Variants in PBX1 observed in about 807,000 individuals in gnomAD.
PBX1 encodes PBX homeobox 1.
In PBX1, 6 loss-of-function variants were observed where a neutral mutation model predicts 53.4. The ratio of observed to expected loss-of-function variants is 0.11; its 90% confidence interval spans 0.06 to 0.22. The LOEUF (loss-of-function observed/expected upper bound fraction) is 0.22, where lower values mean the gene tolerates loss of function less well. Among genes scored for constraint, PBX1 ranks in the 10% least tolerant of loss-of-function variants. PBX1 has a pLI of 1.00. For missense variants in PBX1, 251 were observed against 551.4 expected (o/e 0.46, Z 5.46); for synonymous variants, 204 against 212.3 (o/e 0.96, Z 0.34).
chr1:164,796,377 C>G lies in PBX1; in HGVS notation c.511-3322C>G, dbSNP rs1236316296. Among the ~76,000 whole-genome samples the G allele has an allele frequency of 2.0e-5, 3 of 147,584 alleles. No homozygotes were observed. In the East Asian group the frequency reaches 5.9e-4, roughly 29 times the overall value. On this transcript the variant is annotated intron_variant, in intron 3 of 8. Transcript: ENST00000420696. ...TGATGTCAGAAACCTGAATTTTATTCCAAGCTCTACTTTAAAAAAAAATTA... is the reference window on the plus strand; with the variant it reads ...TGATGTCAGAAACCTGAATTTTATTGCAAGCTCTACTTTAAAAAAAAATTA...
chr1:164,793,502 T>C (rs1558011395), intron 3 of PBX1, among the ~76,000 whole-genome samples: 2 of 152,212 alleles, frequency 1.3e-5, no homozygotes, highest in African/African-American at 2.4e-5. Flanking sequence ...ATAAAACTTA[T>C]ATAAAGGAAA....
chr1:164,633,617 C>A (rs1658555969), intron 2 of PBX1, among the ~76,000 whole-genome samples: 1 of 152,116 alleles, frequency 6.6e-6, no homozygotes, highest in South Asian at 2.1e-4. Flanking sequence ...TGAGCCTTTC[C>A]CTGCAGATTT....
At chr1:164,853,237 C>T (rs1363183483), downstream of PBX1, among the ~76,000 whole-genome samples, 1 of 152,126 alleles carries the variant, frequency 6.6e-6, no homozygotes. Context: ...CCAAGACTTC[C>T]ATTCATATTC....
At chr1:164,769,716 G>A (rs560000706) in intron 2 of PBX1, 68 of 152,270 alleles carry the variant, frequency 4.5e-4, no homozygotes, top group African/African-American at 1.6e-3. Context: ...TATAAGTGAT[G>A]AAACTCTATA....
chr1:164,702,338 T>C (rs545062744), intron 2 of PBX1, among the ~76,000 whole-genome samples: 15 of 152,246 alleles, frequency 9.9e-5, no homozygotes, highest in Admixed American at 2.0e-4. Context: ...TTCATGGGCA[T>C]GGGCTCAAGC....
At chr1:164,580,896 T>C (rs901460133) in intron 2 of PBX1, among the ~76,000 whole-genome samples, 11 of 152,124 alleles carry the variant, frequency 7.2e-5, no homozygotes, top group Non-Finnish European at 1.3e-4. Flanking sequence ...CCACCTGACT[T>C]CTTTCAGGTA....
At chr1:164,582,127 G>T (rs967023533) in intron 2 of PBX1, among the ~76,000 whole-genome samples, 3 of 152,180 alleles carry the variant, frequency 2.0e-5, no homozygotes, top group Non-Finnish European at 4.4e-5. Context: ...GGGAATGTTA[G>T]TATGTAAAAT....
intron 2 of PBX1, among the ~76,000 whole-genome samples, chr1:164,600,607 C>T (rs1199192068): frequency 6.6e-6 from 1 of 152,182 alleles, no homozygotes; most frequent in Non-Finnish European, 1.5e-5. Context: ...AAAAGGCAAA[C>T]AGAGCTTTTG....
chr1:164,724,042 A>G (rs968497015), intron 2 of PBX1, among the ~76,000 whole-genome samples: 15 of 152,192 alleles, frequency 9.9e-5, no homozygotes, highest in African/African-American at 3.6e-4. Context: ...GGTTCTTTCA[A>G]CTAAAACCTG....
chr1:164,570,274 A>G (rs1030734204), intron 2 of PBX1, among the ~76,000 whole-genome samples: 2 of 152,086 alleles, frequency 1.3e-5, no homozygotes, highest in Admixed American at 6.5e-5. Flanking sequence ...TTTGTTACAT[A>G]GGTATACACA....
At chr1:164,802,737 C>G (rs183109796) in intron 4 of PBX1, among the ~76,000 whole-genome samples, 12 of 151,794 alleles carry the variant, frequency 7.9e-5, no homozygotes, top group African/African-American at 2.9e-4. Context: ...AACTGTACCA[C>G]GGAAGTTTAA....
chr1:164,820,306 C>A (rs1571469193), intron 7 of PBX1, 122 bp downstream of exon 7: 2 of 609,058 alleles, frequency 3.3e-6, no homozygotes, highest in African/African-American at 1.9e-5. Flanking sequence ...CAAAACCTTA[C>A]CAACGACCGA....
At chr1:164,776,942 GGAGA>G (rs377054240) in intron 2 of PBX1, among the ~76,000 whole-genome samples, 19 of 43,564 alleles carry the variant, frequency 4.4e-4, no homozygotes, top group Admixed American at 1.0e-3. Context: ...TGTGGTGGGA[GGAGA>G]GAGAGAGAGA....
intron 2 of PBX1, among the ~76,000 whole-genome samples, chr1:164,754,561 A>G (rs774377943): frequency 2.0e-5 from 3 of 152,236 alleles, no homozygotes; most frequent in Non-Finnish European, 2.9e-5. Context: ...ATGCTGTTGC[A>G]TTGCAGGGAC....
At chr1:164,776,970 A>ATGG (rs1244192057) in intron 2 of PBX1, among the ~76,000 whole-genome samples, 2 of 92,624 alleles carry the variant, frequency 2.2e-5, no homozygotes, top group African/African-American at 1.0e-4. Context: ...AGAGAGAGAG[A>ATGG]GAGAGAGAGG....
chr1:164,714,964 C>T (rs1664002512), intron 2 of PBX1, among the ~76,000 whole-genome samples: 1 of 151,802 alleles, frequency 6.6e-6, no homozygotes, highest in Non-Finnish European at 1.5e-5. Flanking sequence ...CTTAACTGTC[C>T]ATGCCACTGT....
At chr1:164,730,380 C>A (rs959918438) in intron 2 of PBX1, among the ~76,000 whole-genome samples, 4 of 152,132 alleles carry the variant, frequency 2.6e-5, no homozygotes, top group Admixed American at 2.6e-4. Context: ...CCAGCACACA[C>A]CTCAGTAGTA....
intron 2 of PBX1, among the ~76,000 whole-genome samples, chr1:164,864,074 T>C (rs1036703774): frequency 2.0e-5 from 3 of 152,252 alleles, no homozygotes; most frequent in South Asian, 2.1e-4. Context: ...TGACCCTAAG[T>C]GATATTATCA....
intron 2 of PBX1, among the ~76,000 whole-genome samples, chr1:164,608,688 G>C (rs1656712623): frequency 6.6e-6 from 1 of 152,196 alleles, no homozygotes; most frequent in African/African-American, 2.4e-5. Context: ...TAACTCTTGA[G>C]AGTATGGCTC....
Sources: allele counts gnomAD v4.1 joint callset (sites outside exome capture counted in the v4.1 genomes callset), GRCh38; gene constraint gnomAD v4.1.1; transcripts MANE v1.5; gene names NCBI Gene and HGNC (gene_info 2026-07-23, HGNC 2026-07-21).